The following CENPF variants were observed in gnomAD, a reference collection of about 807,000 sequenced individuals.
The protein encoded by CENPF is centromere protein F.
In CENPF, 214 loss-of-function variants were observed where a neutral mutation model predicts 307.3. The ratio of observed to expected loss-of-function variants is 0.70; its 90% CI spans 0.62 to 0.78. CENPF has a LOEUF of 0.78. Among genes scored for constraint, CENPF ranks in the 30% least tolerant of loss-of-function variants. The pLI is 0.00. For missense variants in CENPF, 3,401 were observed against 3,483.9 expected, an observed-to-expected ratio of 0.98 and a Z score of 0.60; for synonymous variants, 1,259 against 1,270.6, an observed-to-expected ratio of 0.99 and a Z score of 0.19.
At chr1:214,632,635 T>TA (rs1415277628) in intron 10 of CENPF, 33 bp downstream of exon 10, 14 of 1,609,622 alleles carry the variant, frequency 8.7e-6, no homozygotes, top group Non-Finnish European at 1.2e-5. Context: ...TTTCTCCACT[T>TA]ATGTAAGAAC....
In CENPF at chr1:214,657,262, T is replaced by A; in HGVS notation, c.8815T>A (p.Trp2939Arg). 6.2e-7 allele frequency: 1 copy of A among 1,614,096 alleles called. No individual in the cohort carries two copies. Among genetic ancestry groups the A allele is most frequent in the Non-Finnish European group, 8.5e-7 (1 of 1,179,998 alleles). ...SGKRQRSSGI[W>R]ENGRGPTPAT... The stretch of plus-strand genomic sequence containing the variant: ...CAAGAGGCAAAGATCCAGTGGAATA[T>A]GGGAGAATGGTAGAGGACCAACACC... Residue 2939 changes from tryptophan (W) to arginine (R), a missense_variant, in exon 18 of 20, where the codon TGG becomes AGG. By Grantham distance (101) the Trp-to-Arg change is moderately radical (BLOSUM62 -3). Transcript: ENST00000366955.
chr1:214,630,644 G>A lies in CENPF; in HGVS notation c.1305G>A (p.Leu435=), dbSNP rs777037660. Residue 435 remains leucine (L), a synonymous_variant, in exon 9 of 20, where the codon CTG becomes CTA. Transcript: ENST00000366955. The stretch of plus-strand genomic sequence containing the variant: ...AAGCCAAGAATATGCACAACGTCCT[G>A]CAGGCTGAACTGGATAAAGTAGGGG... ...LQQAKNMHNV[L]QAELDKLTSV... The A allele has an allele frequency of 1.2e-6, 2 of 1,614,114 alleles. No homozygotes were observed. Among genetic ancestry groups the A allele is most frequent in the Non-Finnish European group, 1.7e-6 (2 of 1,179,982 alleles).
At chr1:214,652,725 G>A in intron 15 of CENPF, 103 bp from the exon 16 acceptor site, 1 of 1,037,000 alleles carries the variant, frequency 9.6e-7, no homozygotes, top group East Asian at 2.7e-5. Context: ...TTACAGGTGT[G>A]AAACACTGCG....
At chr1:214,632,428 T>C in intron 9 of CENPF, 52 bp from the exon 10 acceptor site, 1 of 1,581,274 alleles carries the variant, frequency 6.3e-7, no homozygotes, top group Non-Finnish European at 8.6e-7. Flanking sequence ...ACATGATTAA[T>C]GAAAAAGTAA....
At position 214,647,259 on chromosome 1, in the gene CENPF, G is replaced by A; in HGVS notation, c.7689G>A (p.Val2563=). 1.2e-6 allele frequency: 2 copies of A among 1,614,062 alleles called. No homozygotes were observed. Among genetic ancestry groups the A allele is most frequent in the Admixed American group, 1.7e-5 (1 of 60,022 alleles). The change falls in exon 13 of 20, where the codon GTG becomes GTA. Residue 2563 remains valine, a synonymous_variant. Transcript: ENST00000366955. Reference sequence around the variant, plus strand: ...ACTTAGAACTGAGAAATCTGACAGTGGAATTGGAGCAGAAGATCCAAGTGC... The same window carrying A: ...ACTTAGAACTGAGAAATCTGACAGTAGAATTGGAGCAGAAGATCCAAGTGC... ...EQNLELRNLT[V]ELEQKIQVLQ...
chr1:214,622,975 G>A (rs1311210316), intron 7 of CENPF, among the ~76,000 whole-genome samples: 1 of 152,206 alleles, frequency 6.6e-6, no homozygotes, highest in Non-Finnish European at 1.5e-5. Flanking sequence ...ACTTTGGGAG[G>A]TTGAGACACG....
chr1:214,617,012 TTCTTTC>T (rs1470709149), intron 3 of CENPF, among the ~76,000 whole-genome samples: 20 of 144,998 alleles, frequency 1.4e-4, no homozygotes, highest in African/African-American at 4.3e-4. Flanking sequence ...CTTTCTTTCT[TTCTTTC>T]TCTTTCTCTT....
At chr1:214,608,390 C>T (rs1408961487) in intron 1 of CENPF, 6 of 1,613,244 alleles carry the variant, frequency 3.7e-6, no homozygotes, top group African/African-American at 2.7e-5. Context: ...GAGCTGGCAC[C>T]GTAGCCGGAG....
Position 214,658,922 on chromosome 1 carries a change from G to C in CENPF, c.9035G>C (p.Ser3012Thr). Residue 3012 changes from serine to threonine, a missense_variant, in exon 19 of 20, where the codon AGC (serine) becomes ACC (threonine). Physicochemically the swap from Ser to Thr is moderately conservative, Grantham distance 58. Transcript: ENST00000366955. ...AGAACAACCATGGCAACTCGGACCA[G>C]CCCCCGCCTGGCTGCACAGAAGTTA... is the stretch of plus-strand genomic sequence containing the variant. Reference protein sequence around the residue: ...LRRTTMATRTSPRLAAQKLAL... With the variant: ...LRRTTMATRTTPRLAAQKLAL... 6.2e-7 allele frequency: 1 copy of C among 1,614,080 alleles called. No individual in the cohort carries two copies. The highest frequency in any genetic ancestry group is 8.5e-7 in the Non-Finnish European group (1 of 1,179,988).
In CENPF at chr1:214,663,843, A is replaced by G. The variant is rs764930078; in HGVS notation, c.*49A>G. 2 of 1,487,500 alleles carry G rather than the reference A, an allele frequency of 1.3e-6. No homozygotes were observed. The highest frequency in any genetic ancestry group is 1.8e-4 in the Middle Eastern group (1 of 5,592). The allele number at this position is 1,487,500 out of a possible 1,614,324, so 92.1% of individuals were successfully genotyped here. On this transcript the variant is annotated 3_prime_UTR_variant, in exon 20 of 20. Transcript: ENST00000366955. ...CTGGGAGGTGCCAGTCATTGAATAG[A>G]TAAGGCTGTGCCTACAGGACTTCTC... is the stretch of plus-strand genomic sequence containing the variant.
intron 19 of CENPF, among the ~76,000 whole-genome samples, chr1:214,661,655 G>A (rs999335563): frequency 6.6e-6 from 1 of 152,196 alleles, no homozygotes; most frequent in African/African-American, 2.4e-5. Context: ...AAGGGAGACA[G>A]CGCTTGTAGA....
intron 1 of CENPF, among the ~76,000 whole-genome samples, chr1:214,607,559 C>T (rs917177589): frequency 6.6e-6 from 1 of 152,206 alleles, no homozygotes; most frequent in African/African-American, 2.4e-5. Flanking sequence ...CTCCCCAGGG[C>T]CTCTGACTTC....
chr1:214,640,965 G>A lies in CENPF; in HGVS notation c.2627G>A (p.Ser876Asn). 1.2e-6 allele frequency: 2 copies of A among 1,602,096 alleles called. No individual in the cohort carries two copies. Among genetic ancestry groups the A allele is most frequent in the South Asian group, 1.1e-5 (1 of 87,836 alleles). Residue 876 changes from serine to asparagine, a missense_variant, in exon 12 of 20, where the codon AGT (serine) becomes AAT (asparagine). Coordinates refer to ENST00000366955, the MANE Select transcript of CENPF (RefSeq NM_016343.4). ...ATGAAAGCAGAACAGATGCATCAAA[G>A]TTTTGTGGCTGAAACAAGTCAGCGC... ...NLMKAEQMHQ[S>N]FVAETSQRIS...
rs1280134692 is a variant in CENPF at position 214,629,115 on chromosome 1, A to G, written c.1138A>G (p.Ser380Gly). 6.2e-7 allele frequency: 1 copy of G among 1,612,330 alleles called. No homozygotes were observed. The highest frequency in any genetic ancestry group is 1.1e-5 in the South Asian group (1 of 90,554). ...GAGTTGTCAGCGACAAAATGCAGAA[A>G]GTGCCAGATGTTCTCTGGAACAGAA... ...DLSCQRQNAE[S>G]ARCSLEQKIK... The change falls in exon 8 of 20, where the codon AGT becomes GGT. Residue 380 changes from serine (S) to glycine (G), a missense_variant. Physicochemically the swap from Ser to Gly is moderately conservative, Grantham distance 56. Coordinates refer to ENST00000366955, the MANE Select transcript of CENPF (RefSeq NM_016343.4).
chr1:214,649,326 C>G (rs74140299), intron 14 of CENPF, among the ~76,000 whole-genome samples: 8,696 of 152,216 alleles, frequency 0.057, 799 homozygotes, highest in African/African-American at 0.2. Context: ...GTAGATATTA[C>G]TAATTCATAC....
intron 3 of CENPF, among the ~76,000 whole-genome samples, chr1:214,616,541 T>G (rs2102533011): frequency 6.6e-6 from 1 of 152,304 alleles, no homozygotes; most frequent in Non-Finnish European, 1.5e-5. Context: ...TAAAATATTT[T>G]ATTAGTAACT....
At chr1:214,643,935 A>G (rs1658206882) in intron 12 of CENPF, among the ~76,000 whole-genome samples, 1 of 152,236 alleles carries the variant, frequency 6.6e-6, no homozygotes, top group Admixed American at 6.5e-5. Flanking sequence ...ATAATGCTAT[A>G]TAGTGTATGC....
At position 214,629,558 on chromosome 1, in the gene CENPF, A is replaced by ATATTTTTTTTTTTT. The variant is rs1259001438; in HGVS notation, c.1194+388_1194+389insATTTTTTTTTTTTT. Among the ~76,000 whole-genome samples, 150 of 146,608 alleles carry ATATTTTTTTTTTTT rather than the reference A, an allele frequency of 1.0e-3. 1 individual carries two copies. The highest frequency in any genetic ancestry group is 3.6e-3 in the African/African-American group (145 of 40,272). On this transcript the variant is annotated intron_variant, in intron 8 of 19. Coordinates refer to ENST00000366955, the MANE Select transcript of CENPF (RefSeq NM_016343.4). ...ACTCTATTTCCTTTATAACTCCAGTATTTTTTTTTTTGAGACAGAGTCTCG... is the reference window on the plus strand; with the variant it reads ...ACTCTATTTCCTTTATAACTCCAGTATATTTTTTTTTTTTTTTTTTTTTTTGAGACAGAGTCTCG...
Position 214,646,750 on chromosome 1 carries a change from A to G in CENPF, c.7180A>G (p.Lys2394Glu). ...AGATGTTGTTACTATAAGGTCAGAA[A>G]AAGAAAATCTGACAAATGAATTACA... The part of the protein sequence containing the change: ...ELDVVTIRSE[K>E]ENLTNELQKE... Residue 2394 changes from lysine (K) to glutamate (E), a missense_variant, in exon 13 of 20, where the codon AAA becomes GAA. Physicochemically the swap from Lys to Glu is moderately conservative, Grantham distance 56. Transcript: ENST00000366955. 1 of 1,613,758 alleles carries G rather than the reference A, an allele frequency of 6.2e-7. No individual in the cohort carries two copies. Among genetic ancestry groups the G allele is most frequent in the African/African-American group, 1.3e-5 (1 of 75,038 alleles).
Sources: gnomAD v4.1 joint callset for allele counts (sites outside exome capture counted in the v4.1 genomes callset) on GRCh38, gnomAD v4.1.1 for gene constraint, MANE v1.5 for transcripts, NCBI Gene and HGNC (gene_info 2026-07-23, HGNC 2026-07-21) for gene names.